The following WDR45B variants were observed in gnomAD, a reference collection of about 807,000 sequenced individuals.
The protein encoded by WDR45B is WD repeat domain phosphoinositide-interacting protein 3.
WDR45B carries 20 observed loss-of-function variants against 44.6 expected under a neutral mutation model. The observed-to-expected ratio is 0.45, with a 90% CI of 0.32 to 0.65. WDR45B has a LOEUF of 0.65. Among genes scored for constraint, WDR45B ranks in the 30% least tolerant of loss-of-function variants. The pLI, the probability that WDR45B is intolerant of heterozygous loss-of-function variation, is 0.05. For missense variants in WDR45B, 323 were observed against 430.2 expected (o/e 0.75, Z 2.20); for synonymous variants, 169 against 164.9 (o/e 1.02, Z -0.19).
At chr17:82,641,645 C>T (rs544941081) in intron 2 of WDR45B, among the ~76,000 whole-genome samples, 20 of 152,224 alleles carry the variant, frequency 1.3e-4, no homozygotes, top group African/African-American at 4.8e-4. Context: ...GCCTGTAATC[C>T]CAGCACTTTG....
In WDR45B at chr17:82,630,014, C is replaced by T. The variant is rs982807165; in HGVS notation, c.244+907G>A. The T allele has an allele frequency of 2.3e-5, 23 of 979,182 alleles. No homozygotes were observed. The African/African-American group carries it at 4.1e-4, about 17-fold the overall frequency. The allele number at this position is 979,182 out of a possible 1,614,324, so 60.7% of individuals were successfully genotyped here. A position where few individuals can be genotyped will look rare whatever the true frequency, so the allele number is the denominator to read the frequency against. On this transcript the variant is annotated intron_variant, in intron 3 of 9. Transcript: ENST00000392325. ...CACTGGGCTCCCACTCAGTCATCCT[C>T]TGAGACCACCGGTGGCCTTCAATGT...
At chr17:82,616,434 G>A in intron 9 of WDR45B, 90 bp downstream of exon 9, 1 of 1,602,220 alleles carries the variant, frequency 6.2e-7, no homozygotes, top group Non-Finnish European at 8.5e-7. Context: ...GCGCGGTGCT[G>A]GGACGTCCAT....
At chr17:82,629,508 C>G (rs2045741290) in intron 3 of WDR45B, 1 of 985,400 alleles carries the variant, frequency 1.0e-6, no homozygotes, top group Admixed American at 6.1e-5. Context: ...CTCAACTCTG[C>G]TTTAAAGCTG....
chr17:82,638,983 CG>C (rs769173303), intron 2 of WDR45B, among the ~76,000 whole-genome samples: 25 of 151,792 alleles, frequency 1.6e-4, no homozygotes, highest in Non-Finnish European at 3.1e-4. Context: ...CCACCATGCC[CG>C]GCTAATTTTT....
intron 1 of WDR45B, among the ~76,000 whole-genome samples, chr17:82,646,293 C>T (rs933653681): frequency 1.3e-5 from 2 of 151,328 alleles, no homozygotes; most frequent in African/African-American, 2.4e-5. Flanking sequence ...GAGTTCAAGA[C>T]CAGACTCAAC....
chr17:82,641,165 C>T (rs1172471673), intron 2 of WDR45B, among the ~76,000 whole-genome samples: 4 of 152,066 alleles, frequency 2.6e-5, no homozygotes, highest in African/African-American at 7.2e-5. Flanking sequence ...TGGGGTTTCA[C>T]CGTGTTGCCC....
intron 2 of WDR45B, among the ~76,000 whole-genome samples, chr17:82,634,952 A>G (rs1377493743): frequency 6.6e-6 from 1 of 151,980 alleles, no homozygotes; most frequent in Non-Finnish European, 1.5e-5. Flanking sequence ...GATGGCATTC[A>G]CGGGAAGTCC....
chr17:82,618,738 T>C (rs1000075676), intron 7 of WDR45B, among the ~76,000 whole-genome samples: 3 of 151,404 alleles, frequency 2.0e-5, no homozygotes, highest in African/African-American at 7.3e-5. Flanking sequence ...TCCCTCAAAA[T>C]AAAAACCCCA....
intron 6 of WDR45B, among the ~76,000 whole-genome samples, chr17:82,620,632 T>A (rs2045601572): frequency 6.6e-6 from 1 of 152,146 alleles, no homozygotes; most frequent in South Asian, 2.1e-4. Context: ...ACGGATACCA[T>A]CACCGGCTTG....
At chr17:82,624,762 G>A (rs2045671889) in intron 5 of WDR45B, among the ~76,000 whole-genome samples, 1 of 149,806 alleles carries the variant, frequency 6.7e-6, no homozygotes, top group Non-Finnish European at 1.5e-5. Context: ...GGGACTACAG[G>A]TGCCCGCCAC....
At chr17:82,632,896 C>A (rs1005457446) in intron 2 of WDR45B, among the ~76,000 whole-genome samples, 17 of 152,108 alleles carry the variant, frequency 1.1e-4, no homozygotes, top group African/African-American at 3.9e-4. Flanking sequence ...TCGCCGGCCG[C>A]AGTGGCTCAC....
chr17:82,646,208 C>A (rs941092974), intron 1 of WDR45B, among the ~76,000 whole-genome samples: 2 of 150,530 alleles, frequency 1.3e-5, no homozygotes, highest in Admixed American at 6.6e-5. Context: ...AACCTAGAAA[C>A]AGCCTGGCGC....
chr17:82,645,487 G>A (rs2045964492), intron 1 of WDR45B, among the ~76,000 whole-genome samples: 1 of 152,034 alleles, frequency 6.6e-6, no homozygotes, highest in Admixed American at 6.6e-5. Context: ...GATGTACACA[G>A]CCACCAAAAT....
intron 8 of WDR45B, 54 bp downstream of exon 8, chr17:82,617,242 C>A: frequency 6.5e-7 from 1 of 1,549,444 alleles, no homozygotes; most frequent in South Asian, 1.1e-5. Context: ...CACTGAAACA[C>A]TGGGGACTCC....
At chr17:82,643,028 C>T (rs1279331706) in intron 2 of WDR45B, among the ~76,000 whole-genome samples, 1 of 152,248 alleles carries the variant, frequency 6.6e-6, no homozygotes, top group Non-Finnish European at 1.5e-5. Context: ...GCATCATACA[C>T]TCCACAGCAC....
chr17:82,647,263 G>A (rs922818021), intron 1 of WDR45B, among the ~76,000 whole-genome samples: 1 of 152,182 alleles, frequency 6.6e-6, no homozygotes, highest in Non-Finnish European at 1.5e-5. Context: ...ACATATACGG[G>A]ATCATACAGC....
intron 2 of WDR45B, among the ~76,000 whole-genome samples, chr17:82,635,868 C>T (rs1297657482): frequency 6.6e-6 from 1 of 151,822 alleles, no homozygotes; most frequent in African/African-American, 2.4e-5. Context: ...GCAGGTGGAT[C>T]CCTCAGGTCG....
intron 2 of WDR45B, among the ~76,000 whole-genome samples, chr17:82,635,329 T>G (rs980832423): frequency 2.0e-5 from 3 of 151,938 alleles, no homozygotes; most frequent in African/African-American, 7.3e-5. Flanking sequence ...CAAACACTAT[T>G]TAACCGAGAG....
intron 2 of WDR45B, among the ~76,000 whole-genome samples, chr17:82,640,464 C>T (rs931587158): frequency 4.6e-5 from 7 of 151,938 alleles, no homozygotes; most frequent in Non-Finnish European, 8.8e-5. Context: ...AATTCTCCTG[C>T]CTCAGCCTCC....
Sources: allele counts gnomAD v4.1 joint callset (sites outside exome capture counted in the v4.1 genomes callset), GRCh38; gene constraint gnomAD v4.1.1; transcripts MANE v1.5; gene names NCBI Gene and HGNC (gene_info 2026-07-23, HGNC 2026-07-21).